The following KIFC3 variants were observed in gnomAD, a reference collection of about 807,000 sequenced individuals.
KIFC3 encodes kinesin-like protein KIFC3.
A neutral mutation model predicts 101.8 loss-of-function variants in KIFC3; 60 were observed. The ratio of observed to expected loss-of-function variants is 0.59; its 90% CI spans 0.48 to 0.73. The LOEUF (loss-of-function observed/expected upper bound fraction) is 0.73, where lower values mean the gene tolerates loss of function less well. Ranked by LOEUF, KIFC3 falls within the 30% of genes least tolerant of loss-of-function variation. The pLI is 0.00. For missense variants in KIFC3, 966 were observed against 1,137.1 expected (o/e 0.85, Z 2.16); for synonymous variants, 476 against 482.7 (o/e 0.99, Z 0.18).
intron 1 of KIFC3, among the ~76,000 whole-genome samples, chr16:57,814,782 C>T (rs186336958): frequency 6.6e-6 from 1 of 152,254 alleles, no homozygotes; most frequent in East Asian, 1.9e-4. Flanking sequence ...TGCACCAACA[C>T]ACCCAGTTGT....
intron 1 of KIFC3, among the ~76,000 whole-genome samples, chr16:57,829,694 T>C (rs2149291616): frequency 6.6e-6 from 1 of 152,340 alleles, no homozygotes; most frequent in South Asian, 2.1e-4. Flanking sequence ...CAGGGTCATG[T>C]CCATCAAAGA....
chr16:57,843,508 T>C (rs2055853279), intron 1 of KIFC3, among the ~76,000 whole-genome samples: 1 of 152,174 alleles, frequency 6.6e-6, no homozygotes, highest in Admixed American at 6.5e-5. Flanking sequence ...CCTGGTGCCC[T>C]GGCTGCATAG....
intron 1 of KIFC3, among the ~76,000 whole-genome samples, chr16:57,825,639 T>G (rs782602543): frequency 9.2e-5 from 14 of 152,172 alleles, no homozygotes; most frequent in Non-Finnish European, 1.9e-4. Context: ...GGAAAACAAT[T>G]CTGAGGTTGT....
chr16:57,819,060 G>C (rs1370588029), intron 1 of KIFC3, among the ~76,000 whole-genome samples: 3 of 151,420 alleles, frequency 2.0e-5, no homozygotes, highest in African/African-American at 7.3e-5. Flanking sequence ...TGCCAGCCAA[G>C]AAGGGACGAG....
At chr16:57,812,244 G>A (rs1445582963) in intron 1 of KIFC3, among the ~76,000 whole-genome samples, 6 of 151,350 alleles carry the variant, frequency 4.0e-5, no homozygotes, top group South Asian at 2.1e-4. Context: ...GGGTTTCGCC[G>A]TGTTAGCCAG....
At chr16:57,817,241 C>T (rs1184759389) in intron 1 of KIFC3, among the ~76,000 whole-genome samples, 1 of 152,048 alleles carries the variant, frequency 6.6e-6, no homozygotes, top group Non-Finnish European at 1.5e-5. Context: ...AGCCTGTAGT[C>T]CCAGCTACTC....
chr16:57,796,303 C>T (rs2054316467), intron 2 of KIFC3, among the ~76,000 whole-genome samples: 1 of 152,184 alleles, frequency 6.6e-6, no homozygotes, highest in Non-Finnish European at 1.5e-5. Flanking sequence ...CATGTAGTGC[C>T]AGGCACACAG....
Position 57,798,247 on chromosome 16 carries a change from C to T in KIFC3, c.-4G>A. On this transcript the variant is annotated 5_prime_UTR_variant, in exon 2 of 20. Coordinates refer to ENST00000445690, the MANE Select transcript of KIFC3 (RefSeq NM_001130100.2). The stretch of plus-strand genomic sequence containing the variant: ...ACGTCCTGCGAGAGGGGACCATGGC[C>T]TGGGGCTCAGCAGCCTCCTCGGGGC... 6.4e-7 allele frequency: 1 copy of T among 1,552,198 alleles called. No individual in the cohort carries two copies. Among genetic ancestry groups the T allele is most frequent in the Non-Finnish European group, 8.7e-7 (1 of 1,148,670 alleles).
At chr16:57,805,770 G>T (rs782755108), upstream of KIFC3, among the ~76,000 whole-genome samples, 7 of 151,560 alleles carry the variant, frequency 4.6e-5, no homozygotes, top group African/African-American at 4.9e-5. Flanking sequence ...CTGCCTCCTG[G>T]GTTCAAGCAA....
chr16:57,824,196 G>C (rs1012522699), intron 1 of KIFC3, among the ~76,000 whole-genome samples: 3 of 152,098 alleles, frequency 2.0e-5, no homozygotes, highest in African/African-American at 7.2e-5. Flanking sequence ...TTTGTAGATG[G>C]AGATCTGGGT....
intron 3 of KIFC3, chr16:57,775,135 C>G (rs968622398): frequency 4.6e-5 from 63 of 1,379,396 alleles, no homozygotes; most frequent in Non-Finnish European, 5.6e-5. Flanking sequence ...ACAATGGGAA[C>G]CTGGGGGCTC....
At position 57,760,446 on chromosome 16, in the gene KIFC3, C is replaced by T. The variant is rs76373817; in HGVS notation, c.2233-30G>A. 1.1e-3 allele frequency: 1,720 copies of T among 1,602,900 alleles called. 28 individuals are homozygous for T. In the East Asian group the frequency reaches 0.023, roughly 21 times the overall value. On this transcript the variant is annotated intron_variant, in intron 16 of 19. Transcript: ENST00000445690. ...GGGACACGAGAGCTCACTGCCCACC[C>T]GGGCCAGCTGGAGGGGCAACAGGGT...
rs142673759 is a variant in KIFC3, at chr16:57,771,240, G to A, written c.723C>T (p.His241=). ...GGGCCCGCAGGCTGGCAATGGTCTC[G>A]TGGCTGTCACGCAGGCGCCGACTAA... The part of the protein sequence containing the change: ...ERLSRRLRDS[H]ETIASLRAQS... The change falls in exon 6 of 20, where the codon CAC becomes CAT. Residue 241 remains histidine, a synonymous_variant. Coordinates refer to ENST00000445690, the MANE Select transcript of KIFC3 (RefSeq NM_001130100.2). The A allele has an allele frequency of 5.5e-5, 88 of 1,613,146 alleles. 1 individual carries two copies. Among genetic ancestry groups the A allele is most frequent in the African/African-American group, 4.1e-4 (31 of 75,056 alleles).
rs1487995363 is a variant in KIFC3, at chr16:57,798,341, C to T, written c.-39-59G>A. 3.6e-5 allele frequency: 52 copies of T among 1,455,542 alleles called. No homozygotes were observed. In the East Asian group the frequency reaches 5.9e-4, roughly 17 times the overall value. The allele number at this position is 1,455,542 out of a possible 1,614,324, so 90.2% of individuals were successfully genotyped here. A position where few individuals can be genotyped will look rare whatever the true frequency, so the allele number is the denominator to read the frequency against. On this transcript the variant is annotated intron_variant, in intron 1 of 19. Coordinates refer to ENST00000445690, the MANE Select transcript of KIFC3 (RefSeq NM_001130100.2). ...ACCGTGGACCAGCACAACTGCACCT[C>T]GGGCAGAGCCAGCCATCTGGAAGGG... is the stretch of plus-strand genomic sequence containing the variant.
At chr16:57,861,172 T>C (rs1433820032) in intron 1 of KIFC3, among the ~76,000 whole-genome samples, 1 of 152,236 alleles carries the variant, frequency 6.6e-6, no homozygotes, top group Non-Finnish European at 1.5e-5. Context: ...TACTATTATC[T>C]TTAAAGCAAA....
At chr16:57,832,111 C>T (rs2055592518) in intron 1 of KIFC3, among the ~76,000 whole-genome samples, 1 of 152,046 alleles carries the variant, frequency 6.6e-6, no homozygotes, top group South Asian at 2.1e-4. Context: ...ACATCCACCT[C>T]CTGGGTTCAA....
chr16:57,862,803 T>C, exon 1 of KIFC3: 1 of 1,289,584 alleles, frequency 7.8e-7, no homozygotes, highest in Non-Finnish European at 1.0e-6. Context: ...GCTGTCAGAG[T>C]GTTCTTCCTG....
intron 1 of KIFC3, among the ~76,000 whole-genome samples, chr16:57,850,476 T>TG (rs1204001268): frequency 4.4e-5 from 6 of 136,176 alleles, no homozygotes; most frequent in African/African-American, 1.4e-4. Context: ...TTTTTTTTTT[T>TG]TTTTTTTTTT....
exon 1 of KIFC3, chr16:57,862,813 G>A: frequency 7.8e-7 from 1 of 1,289,160 alleles, no homozygotes; most frequent in Non-Finnish European, 1.0e-6. Context: ...TGTTCTTCCT[G>A]AAAAGAAACT....
Sources: gnomAD v4.1 joint callset for allele counts (sites outside exome capture counted in the v4.1 genomes callset) on GRCh38, gnomAD v4.1.1 for gene constraint, MANE v1.5 for transcripts, NCBI Gene and HGNC (gene_info 2026-07-23, HGNC 2026-07-21) for gene names.